Variants in R3HCC1L observed in about 807,000 individuals in gnomAD.
R3HCC1L encodes the protein coiled-coil domain-containing protein R3HCC1L.
In R3HCC1L, 51 loss-of-function variants were observed where a neutral mutation model predicts 59.9. That is an observed-to-expected ratio of 0.85 (90% CI 0.68 to 1.07). The LOEUF (loss-of-function observed/expected upper bound fraction) is 1.07, where lower values mean the gene tolerates loss of function less well. Ranked by LOEUF, R3HCC1L falls within the 50% of genes least tolerant of loss-of-function variation. R3HCC1L has a pLI of 0.00. For missense variants in R3HCC1L, 965 were observed against 933.0 expected (o/e 1.03, Z -0.45); for synonymous variants, 322 against 315.2 (o/e 1.02, Z -0.23).
In R3HCC1L at chr10:98,235,539, G is replaced by T. The variant is rs1211243703; in HGVS notation, c.2128+19G>T. The T allele has an allele frequency of 6.3e-7, 1 of 1,576,100 alleles. No homozygotes were observed. Among genetic ancestry groups the T allele is most frequent in the Non-Finnish European group, 8.6e-7 (1 of 1,159,160 alleles). On this transcript the variant is annotated intron_variant, in intron 8 of 9. Coordinates refer to ENST00000298999, the MANE Select transcript of R3HCC1L (RefSeq NM_001351015.2). Reference sequence around the variant, plus strand: ...TATGCTGGTGAGTCTATAATCTCTGGGTTTTTTTCTTGCTGATGGTGGTAT... The same window carrying T: ...TATGCTGGTGAGTCTATAATCTCTGTGTTTTTTTCTTGCTGATGGTGGTAT...
intron 4 of R3HCC1L, among the ~76,000 whole-genome samples, chr10:98,183,474 T>A (rs1239203991): frequency 2.6e-5 from 4 of 152,072 alleles, no homozygotes; most frequent in African/African-American, 4.8e-5. Context: ...TGATGCTGCC[T>A]AGTGTTCTCT....
At chr10:98,219,087 T>C (rs757873786) in intron 5 of R3HCC1L, among the ~76,000 whole-genome samples, 1 of 152,182 alleles carries the variant, frequency 6.6e-6, no homozygotes, top group Non-Finnish European at 1.5e-5. Context: ...AATTTGTGTA[T>C]TTTTAGTAGA....
chr10:98,223,554 A>T (rs926511318), intron 5 of R3HCC1L, among the ~76,000 whole-genome samples: 2 of 151,398 alleles, frequency 1.3e-5, no homozygotes, highest in African/African-American at 4.9e-5. Flanking sequence ...CTATAGATAT[A>T]TCTATTCTTT....
intron 1 of R3HCC1L, among the ~76,000 whole-genome samples, chr10:98,138,273 G>C (rs147454631): frequency 6.6e-6 from 1 of 152,216 alleles, no homozygotes; most frequent in African/African-American, 2.4e-5. Flanking sequence ...CTTTAGTTAT[G>C]AATCAGCAAG....
chr10:98,202,071 ATTAAATT>A (rs1357548057), intron 4 of R3HCC1L, among the ~76,000 whole-genome samples: 2 of 152,014 alleles, frequency 1.3e-5, no homozygotes. Flanking sequence ...AGATTTTAAC[ATTAAATT>A]TTAATTTAGG....
At chr10:98,186,535 A>G (rs759638381) in intron 4 of R3HCC1L, 71 of 979,808 alleles carry the variant, frequency 7.2e-5, no homozygotes, top group Admixed American at 1.8e-4. Context: ...AGAGTGTTCA[A>G]GTCTTCTGAG....
chr10:98,153,597 A>G (rs1206375345), intron 1 of R3HCC1L, among the ~76,000 whole-genome samples: 1 of 149,978 alleles, frequency 6.7e-6, no homozygotes, highest in Non-Finnish European at 1.5e-5. Flanking sequence ...GAAACACCCA[A>G]GAATGATCAA....
intron 5 of R3HCC1L, among the ~76,000 whole-genome samples, chr10:98,210,975 C>G (rs746027989): frequency 9.9e-5 from 15 of 152,194 alleles, no homozygotes; most frequent in Non-Finnish European, 1.8e-4. Flanking sequence ...ACCAAGCAAT[C>G]CCACCTCATT....
At chr10:98,170,402 A>G (rs1408492954) in intron 4 of R3HCC1L, among the ~76,000 whole-genome samples, 1 of 152,104 alleles carries the variant, frequency 6.6e-6, no homozygotes, top group Admixed American at 6.6e-5. Context: ...TGCACCCTCA[A>G]ATTCATGGGC....
rs1256413560 is a variant in R3HCC1L at position 98,208,857 on chromosome 10, A to T, written c.743A>T (p.Gln248Leu). ...AGCTCTGATTCTGAAATTGTACAAC[A>T]AAGCATGCAAACATCAGATGGAATA... is the stretch of plus-strand genomic sequence containing the variant. ...KLSSDSEIVQQSMQTSDGILN... is the reference protein window; with the variant it reads ...KLSSDSEIVQLSMQTSDGILN... Residue 248 changes from glutamine to leucine, a missense_variant, in exon 5 of 10, where the codon CAA (glutamine) becomes CTA (leucine). Gln to Leu is a moderately radical substitution (Grantham distance 113). Transcript: ENST00000298999. 2 of 1,614,148 alleles carry T rather than the reference A, an allele frequency of 1.2e-6. No individual in the cohort carries two copies. Among genetic ancestry groups the T allele is most frequent in the Non-Finnish European group, 8.5e-7 (1 of 1,180,004 alleles).
At chr10:98,228,118 A>G (rs565577662) in intron 5 of R3HCC1L, among the ~76,000 whole-genome samples, 3 of 152,278 alleles carry the variant, frequency 2.0e-5, no homozygotes, top group African/African-American at 7.2e-5. Context: ...GGCTGGGTCA[A>G]AATGGTATTT....
Position 98,209,157 on chromosome 10 carries a change from A to G in R3HCC1L, c.1043A>G (p.Glu348Gly). The change falls in exon 5 of 10, where the codon GAA (glutamate) becomes GGA (glycine). Residue 348 changes from glutamate to glycine, a missense_variant. Physicochemically the swap from Glu to Gly is moderately conservative, Grantham distance 98. Coordinates refer to ENST00000298999, the MANE Select transcript of R3HCC1L (RefSeq NM_001351015.2). ...STADELHVKH[E>G]PPDTAVLAHE... ...GCTGATGAGTTACATGTAAAGCACG[A>G]ACCTCCTGATACAGCTGTCCTTGCT... The G allele has an allele frequency of 6.2e-7, 1 of 1,614,014 alleles. No homozygotes were observed. The highest frequency in any genetic ancestry group is 1.7e-4 in the Middle Eastern group (1 of 6,058).
At chr10:98,204,609 C>G (rs1422738573) in intron 4 of R3HCC1L, among the ~76,000 whole-genome samples, 3 of 152,138 alleles carry the variant, frequency 2.0e-5, no homozygotes, top group Non-Finnish European at 4.4e-5. Flanking sequence ...ATATAGTGTT[C>G]TCCTCTTTTC....
intron 4 of R3HCC1L, among the ~76,000 whole-genome samples, chr10:98,191,114 A>ATG (rs984580712): frequency 2.6e-5 from 4 of 152,032 alleles, no homozygotes; most frequent in South Asian, 2.1e-4. Flanking sequence ...CATTAAACAT[A>ATG]TGTGTGTGTG....
At chr10:98,142,355 C>T (rs1845225761) in intron 1 of R3HCC1L, among the ~76,000 whole-genome samples, 1 of 152,124 alleles carries the variant, frequency 6.6e-6, no homozygotes, top group Non-Finnish European at 1.5e-5. Flanking sequence ...TTTTCTCTCT[C>T]TCTTTCTTTT....
chr10:98,231,703 A>G lies in R3HCC1L; in HGVS notation c.1961+16A>G, dbSNP rs757401154. 7 of 1,575,558 alleles carry G rather than the reference A, an allele frequency of 4.4e-6. No homozygotes were observed. The highest frequency in any genetic ancestry group is 4.6e-5 in the East Asian group (2 of 43,954). On this transcript the variant is annotated intron_variant, in intron 6 of 9. Transcript: ENST00000298999. ...GCAGTTATCAGTGAGTATGCAAATG[A>G]TTGTGGATGTTAGGGAGGGTGAGAT...
intron 2 of R3HCC1L, among the ~76,000 whole-genome samples, chr10:98,157,333 G>A (rs1016246882): frequency 1.3e-5 from 2 of 152,178 alleles, no homozygotes; most frequent in Admixed American, 6.5e-5. Flanking sequence ...TGGGGGTGGG[G>A]CGATAGATTT....
intron 9 of R3HCC1L, among the ~76,000 whole-genome samples, chr10:98,237,603 G>GA (rs1202411116): frequency 4.6e-5 from 7 of 152,300 alleles, no homozygotes; most frequent in African/African-American, 1.7e-4. Flanking sequence ...TGATTCTGTT[G>GA]ACTAAGCGGG....
intron 4 of R3HCC1L, among the ~76,000 whole-genome samples, chr10:98,181,826 G>C (rs572747645): frequency 1.3e-5 from 2 of 152,278 alleles, no homozygotes; most frequent in South Asian, 4.1e-4. Context: ...TTGTGCATGA[G>C]TCACATAGTT....
Sources: gnomAD v4.1 joint callset for allele counts (sites outside exome capture counted in the v4.1 genomes callset) on GRCh38, gnomAD v4.1.1 for gene constraint, MANE v1.5 for transcripts, NCBI Gene and HGNC (gene_info 2026-07-23, HGNC 2026-07-21) for gene names.